Variants in RNF6 observed in about 807,000 individuals in gnomAD.
The protein encoded by RNF6 is ring finger protein 6.
RNF6 carries 21 observed loss-of-function variants against 50.1 expected under a neutral mutation model. That is an observed-to-expected ratio of 0.42 (90% CI 0.30 to 0.60). The LOEUF (loss-of-function observed/expected upper bound fraction) is 0.60, where lower values mean the gene tolerates loss of function less well. Among genes scored for constraint, RNF6 ranks in the 20% least tolerant of loss-of-function variants. The pLI, the probability that RNF6 is intolerant of heterozygous loss-of-function variation, is 0.20. For synonymous variants in RNF6, 255 were observed against 291.8 expected, an observed-to-expected ratio of 0.87 and a Z score of 1.29; for missense variants, 698 against 838.2, an observed-to-expected ratio of 0.83 and a Z score of 2.07.
intron 5 of RNF6, among the ~76,000 whole-genome samples, chr13:26,192,358 A>G (rs1329681052): frequency 6.6e-6 from 1 of 152,150 alleles, no homozygotes; most frequent in Non-Finnish European, 1.5e-5. Context: ...AGCCAATAGA[A>G]TTTGCTCATG....
Position 26,133,302 on chromosome 13 carries a change from A to G in RNF6, n.769-851T>C, listed in dbSNP as rs369078762. On this transcript the variant is annotated intron_variant and non_coding_transcript_variant, in intron 5 of 5. Coordinates refer to the RNF6 transcript ENST00000468480. ...ATTTATTTTCATAAGTTTGACTATT[A>G]TATGTGCTGGTATGGATTTGTTTGG... 3.3e-5 allele frequency among the ~76,000 whole-genome samples: 5 copies of G among 152,232 alleles called. No individual in the cohort carries two copies. The South Asian group carries it at 6.2e-4, about 19-fold the overall frequency.
chr13:26,134,712 T>C (rs1870561426), intron 5 of RNF6, among the ~76,000 whole-genome samples: 1 of 152,106 alleles, frequency 6.6e-6, no homozygotes, highest in South Asian at 2.1e-4. Context: ...TTGTTGTTCT[T>C]AGCAGGAAAA....
chr13:26,155,266 C>T (rs1006192822), intron 5 of RNF6, among the ~76,000 whole-genome samples: 4 of 152,128 alleles, frequency 2.6e-5, no homozygotes, highest in Admixed American at 2.0e-4. Flanking sequence ...AAAGCTCTGT[C>T]TCTAAAATAA....
upstream of RNF6, among the ~76,000 whole-genome samples, chr13:26,222,976 C>T (rs929362701): frequency 1.3e-5 from 2 of 152,186 alleles, no homozygotes; most frequent in African/African-American, 2.4e-5. Flanking sequence ...ATTCCTCCCT[C>T]TGATTTTATT....
intron 5 of RNF6, among the ~76,000 whole-genome samples, chr13:26,163,886 CA>C (rs1195549095): frequency 6.6e-6 from 1 of 152,142 alleles, no homozygotes; most frequent in East Asian, 1.9e-4. Context: ...GCCAGGTAAC[CA>C]AGGGCAAATT....
intron 5 of RNF6, among the ~76,000 whole-genome samples, chr13:26,173,878 G>A (rs932294858): frequency 2.7e-5 from 4 of 147,958 alleles, no homozygotes; most frequent in African/African-American, 7.5e-5. Context: ...TTGAACTGGG[G>A]AGTCAGAGGT....
chr13:26,196,173 T>TA (rs778169037), intron 5 of RNF6, among the ~76,000 whole-genome samples: 14 of 152,048 alleles, frequency 9.2e-5, no homozygotes, highest in Non-Finnish European at 2.1e-4. Context: ...AAACTGAAGA[T>TA]AAAATCTCTT....
chr13:26,191,308 A>T (rs1868442300), intron 5 of RNF6, among the ~76,000 whole-genome samples: 1 of 152,210 alleles, frequency 6.6e-6, no homozygotes, highest in African/African-American at 2.4e-5. Context: ...ACAAATAGTT[A>T]TTAAGCCACT....
intron 5 of RNF6, among the ~76,000 whole-genome samples, chr13:26,188,239 G>A (rs1238238660): frequency 1.3e-5 from 2 of 152,158 alleles, no homozygotes; most frequent in African/African-American, 4.8e-5. Flanking sequence ...TAAACTGGTG[G>A]TTCACAAGGA....
chr13:26,169,862 A>T (rs1437554312), intron 5 of RNF6, among the ~76,000 whole-genome samples: 2 of 151,208 alleles, frequency 1.3e-5, no homozygotes, highest in African/African-American at 4.9e-5. Context: ...ACTCTTAAAA[A>T]CTCTTCAGTC....
At chr13:26,208,204 C>G (rs556289097), downstream of RNF6, among the ~76,000 whole-genome samples, 1 of 152,182 alleles carries the variant, frequency 6.6e-6, no homozygotes, top group Non-Finnish European at 1.5e-5. Flanking sequence ...GGGGAATACT[C>G]TATTCCCTGA....
chr13:26,210,649 GCA>G (rs368836710), downstream of RNF6, among the ~76,000 whole-genome samples: 1 of 152,160 alleles, frequency 6.6e-6, no homozygotes, highest in African/African-American at 2.4e-5. Flanking sequence ...ACTTCCCAAG[GCA>G]TTTCCACTTC....
intron 5 of RNF6, among the ~76,000 whole-genome samples, chr13:26,134,777 C>T (rs1326822182): frequency 6.6e-6 from 1 of 152,028 alleles, no homozygotes; most frequent in Non-Finnish European, 1.5e-5. Flanking sequence ...TGTAATTGCA[C>T]TTTAAAAAAT....
At chr13:26,144,840 T>C (rs1451329012) in intron 5 of RNF6, 1 of 152,234 alleles carries the variant, frequency 6.6e-6, no homozygotes, top group East Asian at 1.9e-4. Flanking sequence ...GTAATTTCTT[T>C]GTGCTTCAGG....
chr13:26,163,503 C>T (rs1018764433), intron 5 of RNF6, among the ~76,000 whole-genome samples: 1 of 152,106 alleles, frequency 6.6e-6, no homozygotes. Context: ...TATACGTACC[C>T]TACCTGTAAG....
In RNF6 at chr13:26,218,455, C is replaced by T. The variant is rs996654224; in HGVS notation, c.289+56G>A. On this transcript the variant is annotated intron_variant, in intron 4 of 4. Coordinates refer to ENST00000381588, the MANE Select transcript of RNF6 (RefSeq NM_005977.4). ...CATACTATACAAGGTCTAAGAATTTCATTTCTGCAAGTGCTCCAATCAAGC... is the reference window on the plus strand; with the variant it reads ...CATACTATACAAGGTCTAAGAATTTTATTTCTGCAAGTGCTCCAATCAAGC... The T allele has an allele frequency of 2.2e-6, 3 of 1,376,146 alleles. No individual in the cohort carries two copies. In the African/African-American group the frequency reaches 4.3e-5, roughly 20 times the overall value. 85.2% of individuals were successfully genotyped at this position (1,376,146 alleles called of 1,614,324 possible). A position where few individuals can be genotyped will look rare whatever the true frequency, so the allele number is the denominator to read the frequency against.
chr13:26,199,798 G>T (rs1383605498), intron 5 of RNF6, among the ~76,000 whole-genome samples: 7 of 152,118 alleles, frequency 4.6e-5, no homozygotes, highest in Non-Finnish European at 7.4e-5. Context: ...TACAGAAAAA[G>T]ATAACTCTTA....
chr13:26,193,600 A>C (rs1356752130), intron 5 of RNF6, among the ~76,000 whole-genome samples: 2 of 152,114 alleles, frequency 1.3e-5, no homozygotes, highest in African/African-American at 4.8e-5. Flanking sequence ...AATGTAGACA[A>C]CTCTTCCAAG....
At chr13:26,132,424 T>C (rs1870437700) in exon 6 of RNF6, 1 of 460,356 alleles carries the variant, frequency 2.2e-6, no homozygotes, top group Non-Finnish European at 4.4e-6. Flanking sequence ...GGTTTTCTGG[T>C]AGCACTTCAG....
Sources: gnomAD v4.1 joint callset for allele counts (sites outside exome capture counted in the v4.1 genomes callset) on GRCh38, gnomAD v4.1.1 for gene constraint, MANE v1.5 for transcripts, NCBI Gene and HGNC (gene_info 2026-07-23, HGNC 2026-07-21) for gene names.